The following RETREG1 variants were observed in gnomAD, a reference collection of about 807,000 sequenced individuals.
RETREG1 encodes family with sequence similarity 134 member B.
Under a neutral mutation model 54.8 loss-of-function variants are expected in RETREG1, and 44 were observed. The ratio of observed to expected loss-of-function variants is 0.80; its 90% confidence interval spans 0.63 to 1.03. The LOEUF is 1.03. Ranked by LOEUF, RETREG1 falls within the 50% of genes least tolerant of loss-of-function variation. RETREG1 has a pLI of 0.00. For synonymous variants in RETREG1, 217 were observed against 238.5 expected (o/e 0.91, Z 0.83); for missense variants, 554 against 605.1 (o/e 0.92, Z 0.89).
intron 1 of RETREG1, among the ~76,000 whole-genome samples, chr5:16,595,004 G>A (rs535139278): frequency 5.5e-4 from 84 of 152,330 alleles, no homozygotes; most frequent in African/African-American, 1.9e-3. Context: ...AAACTCAGTT[G>A]CAAGAGAGTT....
chr5:16,501,363 C>T (rs946154488), intron 3 of RETREG1, among the ~76,000 whole-genome samples: 2 of 152,120 alleles, frequency 1.3e-5, no homozygotes, highest in Non-Finnish European at 2.9e-5. Flanking sequence ...CCCATGCTCA[C>T]AGTCACCCAG....
At chr5:16,579,301 C>G (rs1742420928) in intron 1 of RETREG1, among the ~76,000 whole-genome samples, 1 of 152,138 alleles carries the variant, frequency 6.6e-6, no homozygotes, top group Non-Finnish European at 1.5e-5. Context: ...CAGAAACTTG[C>G]TCAAGGCCCC....
chr5:16,585,221 G>A lies in RETREG1; in HGVS notation c.321-13119C>T, dbSNP rs186487709. On this transcript the variant is annotated intron_variant, in intron 1 of 8. Transcript: ENST00000306320. This position sits in a 1 kb window ranked among gnomAD's most constrained non-coding sequence, Gnocchi z 4.5. ...CGATAATCCAGTGAATTCAGGGAAT[G>A]TGCCCAGGTCAGCAAGGCATGGTGG... 6.6e-6 allele frequency among the ~76,000 whole-genome samples: 1 copy of A among 152,296 alleles called. No homozygotes were observed. The highest frequency in any genetic ancestry group is 2.4e-5 in the African/African-American group (1 of 41,566).
At chr5:16,582,200 G>T (rs964572990) in intron 1 of RETREG1, among the ~76,000 whole-genome samples, 3 of 152,162 alleles carry the variant, frequency 2.0e-5, no homozygotes, top group African/African-American at 7.2e-5. Flanking sequence ...CGATTGGAAA[G>T]GTACAGTTCT....
At chr5:16,494,270 GTA>G (rs1422768630) in intron 3 of RETREG1, among the ~76,000 whole-genome samples, 1 of 152,170 alleles carries the variant, frequency 6.6e-6, no homozygotes, top group Non-Finnish European at 1.5e-5. Flanking sequence ...TTCAACAACA[GTA>G]TGCAGGGAAG....
At chr5:16,592,768 T>C (rs2126344321) in intron 1 of RETREG1, among the ~76,000 whole-genome samples, 1 of 152,026 alleles carries the variant, frequency 6.6e-6, no homozygotes, top group East Asian at 1.9e-4. Flanking sequence ...CTAGAGGCCA[T>C]TATCCTTGGC....
At position 16,594,550 on chromosome 5, in the gene RETREG1, C is replaced by T. The variant is rs1304222138; in HGVS notation, c.320+22102G>A. On this transcript the variant is annotated intron_variant, in intron 1 of 8. Transcript: ENST00000306320. This position sits in a 1 kb window ranked among gnomAD's most constrained non-coding sequence, Gnocchi z 4.4. ...GACCAGCCTCACCAACATGGCAAAA[C>T]CCCATCTCTACTAAAAATACAAAAA... Among the ~76,000 whole-genome samples the T allele has an allele frequency of 6.6e-6, 1 of 151,816 alleles. No homozygotes were observed. Among genetic ancestry groups the T allele is most frequent in the Non-Finnish European group, 1.5e-5 (1 of 67,954 alleles).
intron 3 of RETREG1, among the ~76,000 whole-genome samples, chr5:16,510,818 C>CAAAAAAAAA: frequency 1.3e-5 from 1 of 75,646 alleles, no homozygotes; most frequent in Non-Finnish European, 2.4e-5. Flanking sequence ...ACAACAACAA[C>CAAAAAAAAA]AAAAAAAAAA....
intron 3 of RETREG1, among the ~76,000 whole-genome samples, chr5:16,518,903 G>A (rs1740444208): frequency 6.6e-6 from 1 of 152,148 alleles, no homozygotes; most frequent in South Asian, 2.1e-4. Flanking sequence ...CACCAATACA[G>A]AATTTGTTGC....
chr5:16,495,736 G>A (rs1045131350), intron 3 of RETREG1, among the ~76,000 whole-genome samples: 4 of 152,020 alleles, frequency 2.6e-5, no homozygotes, highest in Non-Finnish European at 5.9e-5. Context: ...AGGAGGCAGA[G>A]CTTGCAGTGA....
intron 1 of RETREG1, among the ~76,000 whole-genome samples, chr5:16,601,404 T>C (rs1213553084): frequency 1.3e-5 from 2 of 151,444 alleles, no homozygotes; most frequent in South Asian, 2.1e-4. Flanking sequence ...TTTTTTTTTT[T>C]CTTTTTTTTT....
intron 1 of RETREG1, among the ~76,000 whole-genome samples, chr5:16,610,037 C>T (rs2126374712): frequency 6.6e-6 from 1 of 152,272 alleles, no homozygotes; most frequent in South Asian, 2.1e-4. Flanking sequence ...TTTGCATCTC[C>T]AGGTGACACT....
chr5:16,573,742 G>GTTTTTTTTTTTTTTTTT (rs34651832), intron 1 of RETREG1, among the ~76,000 whole-genome samples: 3 of 126,532 alleles, frequency 2.4e-5, no homozygotes, highest in Non-Finnish European at 4.8e-5. Flanking sequence ...TTTGTTTTTT[G>GTTTTTTTTTTTTTTTTT]TTTTTTTTTT....
chr5:16,522,596 G>T (rs1260649867), intron 3 of RETREG1, among the ~76,000 whole-genome samples: 4 of 152,208 alleles, frequency 2.6e-5, no homozygotes, highest in Non-Finnish European at 4.4e-5. Flanking sequence ...CTTTCATGGT[G>T]TTAATCCCCA....
At chr5:16,579,837 A>C (rs190294394) in intron 1 of RETREG1, among the ~76,000 whole-genome samples, 1 of 152,336 alleles carries the variant, frequency 6.6e-6, no homozygotes, top group East Asian at 1.9e-4. Context: ...ATATACTAAA[A>C]TTTATCCATT....
intron 1 of RETREG1, among the ~76,000 whole-genome samples, chr5:16,579,470 C>T (rs1742425299): frequency 6.6e-6 from 1 of 152,124 alleles, no homozygotes; most frequent in African/African-American, 2.4e-5. Flanking sequence ...CAATTTACAG[C>T]CTTTTCTTTT....
At chr5:16,614,953 T>C (rs1009962639) in intron 1 of RETREG1, among the ~76,000 whole-genome samples, 1 of 152,158 alleles carries the variant, frequency 6.6e-6, no homozygotes, top group Non-Finnish European at 1.5e-5. Flanking sequence ...CACAGGAAAC[T>C]AGCAACATTG....
chr5:16,500,897 G>A (rs569344593), intron 3 of RETREG1, among the ~76,000 whole-genome samples: 17 of 151,758 alleles, frequency 1.1e-4, no homozygotes, highest in Non-Finnish European at 2.1e-4. Context: ...AGCTTCTCCT[G>A]AAAAGGGGCC....
intron 3 of RETREG1, among the ~76,000 whole-genome samples, chr5:16,552,109 G>T (rs1741560851): frequency 6.6e-6 from 1 of 152,158 alleles, no homozygotes; most frequent in South Asian, 2.1e-4. Context: ...CTGAGTTACG[G>T]TATGGACTTC....
Sources: allele counts gnomAD v4.1 joint callset (sites outside exome capture counted in the v4.1 genomes callset), GRCh38; gene constraint gnomAD v4.1.1; non-coding constraint Gnocchi (gnomAD v3.1); transcripts MANE v1.5; gene names NCBI Gene and HGNC (gene_info 2026-07-23, HGNC 2026-07-21).